The following LRRFIP1 variants were observed in gnomAD, a reference collection of about 807,000 sequenced individuals.
LRRFIP1 encodes the protein LRR binding FLII interacting protein 1, also known as leucine-rich repeat flightless-interacting protein 1.
LRRFIP1 carries 62 observed loss-of-function variants against 104.4 expected under a neutral mutation model. The observed-to-expected ratio is 0.59, with a 90% CI of 0.48 to 0.73. The LOEUF is 0.73. Ranked by LOEUF, LRRFIP1 falls within the 30% of genes least tolerant of loss-of-function variation. The pLI is 0.00. For missense variants in LRRFIP1, 796 were observed against 824.5 expected (o/e 0.97, Z 0.42); for synonymous variants, 300 against 299.0 (o/e 1.00, Z -0.03).
Position 237,703,971 on chromosome 2 carries a change from G to A in LRRFIP1, c.97-4573G>A, listed in dbSNP as rs547399647. ...TTTATATTTTACAAAAGTGTCAGTC[G>A]ATAAAGGATTTGTCCTGCGCCACCG... is the stretch of plus-strand genomic sequence containing the variant. On this transcript the variant is annotated intron_variant, in intron 1 of 23. Transcript: ENST00000308482. This position sits in a 1 kb window ranked among gnomAD's most constrained non-coding sequence, Gnocchi z 4.3. Among the ~76,000 whole-genome samples, 10 of 152,030 alleles carry A rather than the reference G, an allele frequency of 6.6e-5. No individual in the cohort carries two copies. Among genetic ancestry groups the A allele is most frequent in the African/African-American group, 9.6e-5 (4 of 41,456 alleles).
intron 3 of LRRFIP1, among the ~76,000 whole-genome samples, chr2:237,714,565 C>A (rs1052330843): frequency 6.6e-6 from 1 of 152,038 alleles, no homozygotes; most frequent in Non-Finnish European, 1.5e-5. Flanking sequence ...AATTCTAAGG[C>A]AAAATTATAT....
At chr2:237,734,248 G>GTAGCTATA (rs1428255833) in intron 9 of LRRFIP1, among the ~76,000 whole-genome samples, 2 of 141,784 alleles carry the variant, frequency 1.4e-5, no homozygotes, top group African/African-American at 5.5e-5. Context: ...AATACTCAAA[G>GTAGCTATA]TAGCTATATT....
At chr2:237,682,322 C>T (rs1349008014) in intron 1 of LRRFIP1, among the ~76,000 whole-genome samples, 1 of 152,242 alleles carries the variant, frequency 6.6e-6, no homozygotes, top group African/African-American at 2.4e-5. Context: ...TTGCAGTCCT[C>T]CGGGCAGTCC....
At chr2:237,666,546 C>G (rs1004883416) in intron 1 of LRRFIP1, among the ~76,000 whole-genome samples, 8 of 148,366 alleles carry the variant, frequency 5.4e-5, no homozygotes, top group Admixed American at 2.1e-4. Context: ...TGTTATTCTT[C>G]TTGCTCCTCT....
At chr2:237,734,409 T>G (rs1398750311) in intron 9 of LRRFIP1, among the ~76,000 whole-genome samples, 1 of 150,908 alleles carries the variant, frequency 6.6e-6, no homozygotes, top group Non-Finnish European at 1.5e-5. Flanking sequence ...GCCTCCTGGG[T>G]AGCTGGGATT....
In LRRFIP1 at chr2:237,780,279, A is replaced by C. The variant is rs1435233950; in HGVS notation, c.*747A>C. 2 of 152,236 alleles carry C rather than the reference A, an allele frequency of 1.3e-5. No homozygotes were observed. Among genetic ancestry groups the C allele is most frequent in the East Asian group, 3.8e-4 (2 of 5,204 alleles). 9.4% of individuals were successfully genotyped at this position (152,236 alleles called of 1,614,324 possible). ...GTTAACTTCTTTTAAAGAATGTACT[A>C]TTAGAAAAATTAAAAATGAAATGTT... is the stretch of plus-strand genomic sequence containing the variant. On this transcript the variant is annotated 3_prime_UTR_variant, in exon 24 of 24. Coordinates refer to ENST00000308482, the MANE Select transcript of LRRFIP1 (RefSeq NM_001137550.2).
chr2:237,738,512 T>A (rs2095322150), intron 10 of LRRFIP1, among the ~76,000 whole-genome samples: 1 of 152,168 alleles, frequency 6.6e-6, no homozygotes, highest in Admixed American at 6.5e-5. Context: ...AGTGTTCAAA[T>A]CCTGCCCCCG....
At chr2:237,762,715 T>C (rs1238155780) in intron 19 of LRRFIP1, 1 of 1,614,182 alleles carries the variant, frequency 6.2e-7, no homozygotes, top group South Asian at 1.1e-5. Flanking sequence ...TGAAGGACTG[T>C]GTGGACATAG....
At chr2:237,733,015 G>A (rs2095079388) in intron 8 of LRRFIP1, among the ~76,000 whole-genome samples, 1 of 152,224 alleles carries the variant, frequency 6.6e-6, no homozygotes, top group African/African-American at 2.4e-5. Context: ...TTTGGAGGTT[G>A]AACTGTCCCT....
chr2:237,699,438 C>T (rs1213754915), intron 1 of LRRFIP1, among the ~76,000 whole-genome samples: 30 of 149,402 alleles, frequency 2.0e-4, no homozygotes, highest in Admixed American at 6.0e-4. Flanking sequence ...CTACAACCTC[C>T]GCCTCCCGGG....
chr2:237,777,284 A>G (rs1576464825), intron 23 of LRRFIP1, among the ~76,000 whole-genome samples: 2 of 152,306 alleles, frequency 1.3e-5, no homozygotes, highest in African/African-American at 2.4e-5. Flanking sequence ...TTTGTTTGAC[A>G]TAACTACATA....
intron 4 of LRRFIP1, among the ~76,000 whole-genome samples, chr2:237,718,586 C>T (rs1429317269): frequency 5.3e-5 from 8 of 152,292 alleles, no homozygotes; most frequent in African/African-American, 1.4e-4. Flanking sequence ...TTCCTCTACC[C>T]GAGTCCTTCT....
chr2:237,660,106 G>T (rs67762939), intron 1 of LRRFIP1, among the ~76,000 whole-genome samples: 25,045 of 152,096 alleles, frequency 0.16, 2,512 homozygotes, highest in South Asian at 0.33. Flanking sequence ...TATAATATTT[G>T]CAACTTGTGT....
intron 1 of LRRFIP1, among the ~76,000 whole-genome samples, chr2:237,632,862 G>A (rs1024244622): frequency 1.3e-5 from 2 of 152,212 alleles, no homozygotes; most frequent in Admixed American, 6.5e-5. Context: ...AGGTGACCCT[G>A]GGGCCAGAAT....
chr2:237,676,946 A>G (rs1250756373), intron 1 of LRRFIP1, among the ~76,000 whole-genome samples: 3 of 151,888 alleles, frequency 2.0e-5, no homozygotes, highest in African/African-American at 7.3e-5. Context: ...TTCTGGGGAA[A>G]CTCTGCGCTG....
chr2:237,729,842 G>A (rs2094923906), intron 8 of LRRFIP1: 1 of 985,012 alleles, frequency 1.0e-6, no homozygotes. Flanking sequence ...AGGAGAAGTT[G>A]GTTGGTTTCC....
chr2:237,723,769 G>A (rs890473311), intron 7 of LRRFIP1, among the ~76,000 whole-genome samples, 183 bp downstream of exon 7: 4 of 152,250 alleles, frequency 2.6e-5, no homozygotes, highest in Non-Finnish European at 5.9e-5. Flanking sequence ...CCTCCAGGGT[G>A]CAGCCCTGAT....
chr2:237,772,085 A>G lies in LRRFIP1; in HGVS notation c.1514A>G (p.Lys505Arg). 6.2e-7 allele frequency: 1 copy of G among 1,610,228 alleles called. No homozygotes were observed. The highest frequency in any genetic ancestry group is 8.5e-7 in the Non-Finnish European group (1 of 1,177,418). ...TTTACTGGCGGGTGTTTTCAGATTA[A>G]GAAACTCAAAGGGCAGCTGGAGGAG... ...DERECLLEQI[K>R]KLKGQLEERQ... The change falls in exon 21 of 24, where the codon AAG (lysine) becomes AGG (arginine). Residue 505 changes from lysine (K) to arginine (R), a missense_variant. Physicochemically the swap from Lys to Arg is conservative, Grantham distance 26. Coordinates refer to ENST00000308482, the MANE Select transcript of LRRFIP1 (RefSeq NM_001137550.2).
intron 6 of LRRFIP1, among the ~76,000 whole-genome samples, chr2:237,722,856 C>T (rs1292711214): frequency 6.6e-6 from 1 of 152,166 alleles, no homozygotes; most frequent in Non-Finnish European, 1.5e-5. Context: ...GCGCTGGGTT[C>T]CCTGGGCTCT....
Sources: allele counts gnomAD v4.1 joint callset (sites outside exome capture counted in the v4.1 genomes callset), GRCh38; gene constraint gnomAD v4.1.1; non-coding constraint Gnocchi (gnomAD v3.1); transcripts MANE v1.5; gene names NCBI Gene and HGNC (gene_info 2026-07-23, HGNC 2026-07-21).